Variants in CDH9 observed in about 807,000 individuals in gnomAD.
CDH9 encodes cadherin 9, also known as cadherin-9.
CDH9 carries 28 observed loss-of-function variants against 70.9 expected under a neutral mutation model. The ratio of observed to expected loss-of-function variants is 0.40; its 90% CI spans 0.29 to 0.54. The LOEUF (loss-of-function observed/expected upper bound fraction) is 0.54. Among genes scored for constraint, CDH9 ranks in the 20% least tolerant of loss-of-function variants. The probability of loss-of-function intolerance (pLI) is 0.59; values close to 1 mark genes in which losing one functional copy is unlikely to be tolerated. For synonymous variants in CDH9, 409 were observed against 343.1 expected (o/e 1.19, Z -2.12); for missense variants, 874 against 984.4 (o/e 0.89, Z 1.50).
rs963985861 is a variant in CDH9, at chr5:26,902,742, A to G, written c.1000-13T>C. 1 of 1,450,786 alleles carries G rather than the reference A, an allele frequency of 6.9e-7. No homozygotes were observed. The highest frequency in any genetic ancestry group is 9.6e-7 in the Non-Finnish European group (1 of 1,039,106). The allele number at this position is 1,450,786 out of a possible 1,614,324, so 89.9% of individuals were successfully genotyped here. ...CAAAATCTAAATTCTGGAGTTAAAT[A>G]ACATAAAAGAAATTAGCATAATTCA... On this transcript the variant is annotated splice_polypyrimidine_tract_variant and intron_variant, in intron 6 of 11. Coordinates refer to ENST00000231021, the MANE Select transcript of CDH9 (RefSeq NM_016279.4).
intron 2 of CDH9, among the ~76,000 whole-genome samples, chr5:26,965,428 T>C (rs1228270207): frequency 6.6e-6 from 1 of 151,684 alleles, no homozygotes; most frequent in Non-Finnish European, 1.5e-5. Context: ...ATACAAAAAT[T>C]AGTCAGGCGT....
At chr5:26,984,498 TATTCA>T (rs1017023018) in intron 2 of CDH9, among the ~76,000 whole-genome samples, 10 of 152,188 alleles carry the variant, frequency 6.6e-5, no homozygotes, top group African/African-American at 2.2e-4. Flanking sequence ...AGGTAAATTC[TATTCA>T]ATTCTCATTA....
chr5:26,964,212 CAT>C (rs1307987322), intron 2 of CDH9, among the ~76,000 whole-genome samples: 1 of 151,882 alleles, frequency 6.6e-6, no homozygotes, highest in Non-Finnish European at 1.5e-5. Flanking sequence ...CACACACACA[CAT>C]ACACACACAA....
intron 2 of CDH9, among the ~76,000 whole-genome samples, chr5:26,979,554 G>A (rs1742364111): frequency 6.6e-6 from 1 of 151,876 alleles, no homozygotes; most frequent in Admixed American, 6.6e-5. Flanking sequence ...CATTATATAT[G>A]AATGGGTTTA....
chr5:26,915,168 G>A (rs1741125398), intron 3 of CDH9, among the ~76,000 whole-genome samples: 1 of 151,926 alleles, frequency 6.6e-6, no homozygotes, highest in Non-Finnish European at 1.5e-5. Flanking sequence ...TAACAGAATA[G>A]GGATTTAAAG....
At chr5:27,013,165 T>C (rs1486582978) in intron 1 of CDH9, among the ~76,000 whole-genome samples, 1 of 151,934 alleles carries the variant, frequency 6.6e-6, no homozygotes, top group African/African-American at 2.4e-5. Context: ...GGTCATATCC[T>C]AGGAATACAA....
chr5:26,981,615 G>A (rs1742400987), intron 2 of CDH9, among the ~76,000 whole-genome samples: 1 of 151,902 alleles, frequency 6.6e-6, no homozygotes, highest in Non-Finnish European at 1.5e-5. Context: ...ATGCTTGCAT[G>A]TATAAAACCA....
chr5:26,924,531 T>C (rs1381666976), intron 2 of CDH9, among the ~76,000 whole-genome samples: 1 of 148,136 alleles, frequency 6.8e-6, no homozygotes, highest in Non-Finnish European at 1.5e-5. Context: ...ATATATATAT[T>C]ATATATATAA....
chr5:26,904,401 G>A (rs532851600), intron 5 of CDH9, among the ~76,000 whole-genome samples: 2 of 151,780 alleles, frequency 1.3e-5, no homozygotes, highest in South Asian at 4.2e-4. Context: ...TTAGTTTGTG[G>A]CTACCTATTC....
rs987499614 is a variant in CDH9 at position 26,984,017 on chromosome 5, C to A, written c.228+4089G>T. 2.6e-5 allele frequency among the ~76,000 whole-genome samples: 4 copies of A among 152,052 alleles called. No individual in the cohort carries two copies. The South Asian group carries it at 8.3e-4, about 31-fold the overall frequency. ...CAATCAAATATAAAACAGATTCCTA[C>A]CAATTTTTCTTTTGTTAACTGTGTT... On this transcript the variant is annotated intron_variant, in intron 2 of 11. Transcript: ENST00000231021.
chr5:26,898,705 A>T (rs1374304732), intron 7 of CDH9, among the ~76,000 whole-genome samples: 1 of 152,208 alleles, frequency 6.6e-6, no homozygotes, highest in Non-Finnish European at 1.5e-5. Context: ...TAAGACCTAA[A>T]ACCATAAAAA....
chr5:26,904,056 G>T (rs1285887731), intron 5 of CDH9, among the ~76,000 whole-genome samples: 1 of 151,840 alleles, frequency 6.6e-6, no homozygotes, highest in Non-Finnish European at 1.5e-5. Flanking sequence ...ATTAGAGAAT[G>T]TCCCAAATTT....
At chr5:27,030,166 G>A (rs368536188) in intron 1 of CDH9, among the ~76,000 whole-genome samples, 6 of 151,780 alleles carry the variant, frequency 4.0e-5, no homozygotes, top group Non-Finnish European at 8.8e-5. Context: ...ACTTCTCCTC[G>A]TTCTACTTAT....
At chr5:27,016,662 G>T (rs192185770) in intron 1 of CDH9, among the ~76,000 whole-genome samples, 7 of 151,656 alleles carry the variant, frequency 4.6e-5, no homozygotes, top group African/African-American at 1.2e-4. Flanking sequence ...ATTTAAAACC[G>T]ATATGCAAAT....
intron 1 of CDH9, among the ~76,000 whole-genome samples, chr5:26,997,272 T>C (rs999323212): frequency 6.6e-6 from 1 of 152,038 alleles, no homozygotes; most frequent in African/African-American, 2.4e-5. Context: ...TAAACATATA[T>C]GTATGTGTGT....
intron 1 of CDH9, among the ~76,000 whole-genome samples, chr5:27,030,411 A>G (rs1743292344): frequency 6.6e-6 from 1 of 151,810 alleles, no homozygotes; most frequent in South Asian, 2.1e-4. Flanking sequence ...AAGGAGAAGC[A>G]CTTTTAGTTA....
At chr5:26,914,919 C>G (rs1039430811) in intron 3 of CDH9, among the ~76,000 whole-genome samples, 7 of 151,880 alleles carry the variant, frequency 4.6e-5, no homozygotes, top group Admixed American at 1.3e-4. Flanking sequence ...CAAACCTAAA[C>G]CTTTTATATT....
At chr5:26,988,795 A>G (rs1295812316) in intron 1 of CDH9, among the ~76,000 whole-genome samples, 1 of 152,072 alleles carries the variant, frequency 6.6e-6, no homozygotes, top group Non-Finnish European at 1.5e-5. Context: ...TTTAAAGAGT[A>G]CTTCTCATAA....
chr5:26,900,757 C>G (rs1413799117), intron 7 of CDH9, among the ~76,000 whole-genome samples: 1 of 151,952 alleles, frequency 6.6e-6, no homozygotes, highest in African/African-American at 2.4e-5. Flanking sequence ...AAATATGGTG[C>G]AACAGACACT....
Sources: gnomAD v4.1 joint callset for allele counts (sites outside exome capture counted in the v4.1 genomes callset) on GRCh38, gnomAD v4.1.1 for gene constraint, MANE v1.5 for transcripts, NCBI Gene and HGNC (gene_info 2026-07-23, HGNC 2026-07-21) for gene names.